GPC5: variants seen among roughly 807,000 people sequenced by gnomAD.
GPC5 encodes glypican 5.
A neutral mutation model predicts 53.9 loss-of-function variants in GPC5; 47 were observed. That is an observed-to-expected ratio of 0.87 (90% confidence interval 0.69 to 1.11). The LOEUF is 1.11. Ranked by LOEUF, GPC5 falls within the 50% of genes most tolerant of loss-of-function variation. The pLI is 0.00. For missense variants in GPC5, 748 were observed against 713.1 expected, an observed-to-expected ratio of 1.05 and a Z score of -0.56; for synonymous variants, 286 against 263.3, an observed-to-expected ratio of 1.09 and a Z score of -0.84.
chr13:92,166,958 A>ATCTCTCT (rs1566465872), intron 7 of GPC5, among the ~76,000 whole-genome samples: 18 of 65,626 alleles, frequency 2.7e-4, no homozygotes, highest in African/African-American at 8.8e-4. Flanking sequence ...TCTCTCTCTC[A>ATCTCTCT]CACACACACA....
chr13:92,211,268 A>G (rs1422720209), intron 7 of GPC5, among the ~76,000 whole-genome samples: 1 of 152,208 alleles, frequency 6.6e-6, no homozygotes, highest in Non-Finnish European at 1.5e-5. Flanking sequence ...AAACAAGCAC[A>G]ATGGGTGTTT....
intron 2 of GPC5, among the ~76,000 whole-genome samples, chr13:91,471,339 T>C (rs940238692): frequency 1.3e-5 from 2 of 152,144 alleles, no homozygotes; most frequent in African/African-American, 4.8e-5. Context: ...GAATTTACTA[T>C]AATTTCAGCT....
At chr13:91,571,262 T>G (rs2031766738) in intron 2 of GPC5, among the ~76,000 whole-genome samples, 1 of 152,184 alleles carries the variant, frequency 6.6e-6, no homozygotes, top group Admixed American at 6.6e-5. Flanking sequence ...TTTCTGATTT[T>G]AACTCTTTGC....
At chr13:92,525,981 A>G (rs1486821485) in intron 7 of GPC5, among the ~76,000 whole-genome samples, 1 of 152,118 alleles carries the variant, frequency 6.6e-6, no homozygotes, top group Non-Finnish European at 1.5e-5. Flanking sequence ...TCTATAATAT[A>G]ATCTCCAACT....
chr13:91,472,687 G>A lies in GPC5; in HGVS notation c.325+23765G>A, dbSNP rs181108044. On this transcript the variant is annotated intron_variant, in intron 2 of 7. Coordinates refer to ENST00000377067, the MANE Select transcript of GPC5 (RefSeq NM_004466.6). ...TAAATATGTTTGTATTATTAAATCAGCATCTGAAAATATTATTGAAAATGC... is the reference window on the plus strand; with the variant it reads ...TAAATATGTTTGTATTATTAAATCAACATCTGAAAATATTATTGAAAATGC... Among the ~76,000 whole-genome samples, 142 of 152,234 alleles carry A rather than the reference G, an allele frequency of 9.3e-4. 1 individual carries two copies. Among genetic ancestry groups the A allele is most frequent in the African/African-American group, 3.4e-3 (140 of 41,556 alleles).
At chr13:91,756,461 C>A in intron 5 of GPC5, 41 bp downstream of exon 5, 1 of 1,495,486 alleles carries the variant, frequency 6.7e-7, no homozygotes, top group Middle Eastern at 1.8e-4. Flanking sequence ...GTTACATCAT[C>A]CTTGCTTTCT....
chr13:92,237,045 CA>C (rs2042575758), intron 7 of GPC5, among the ~76,000 whole-genome samples: 1 of 152,048 alleles, frequency 6.6e-6, no homozygotes, highest in African/African-American at 2.4e-5. Context: ...TTAATGAAAA[CA>C]CCCCACAACT....
At chr13:92,131,478 G>T (rs1342628016) in intron 6 of GPC5, among the ~76,000 whole-genome samples, 1 of 151,890 alleles carries the variant, frequency 6.6e-6, no homozygotes, top group Non-Finnish European at 1.5e-5. Context: ...TTATAAAATG[G>T]AATACCCCTA....
chr13:92,409,588 G>A (rs1167189817), intron 7 of GPC5, among the ~76,000 whole-genome samples: 3 of 152,064 alleles, frequency 2.0e-5, no homozygotes, highest in Non-Finnish European at 4.4e-5. Flanking sequence ...AGCAGAAGCT[G>A]TATAAGTAAA....
Position 91,541,219 on chromosome 13 carries a change from C to T in GPC5, c.325+92297C>T, listed in dbSNP as rs988473560. Among the ~76,000 whole-genome samples, 10 of 152,096 alleles carry T rather than the reference C, an allele frequency of 6.6e-5. No individual in the cohort carries two copies. In the South Asian group the frequency reaches 1.9e-3, roughly 28 times the overall value. ...ACATTTAAATATTTTAATATTTTTGCTACATATTTTTTGTTCTTAAAGTCT... is the reference window on the plus strand; with the variant it reads ...ACATTTAAATATTTTAATATTTTTGTTACATATTTTTTGTTCTTAAAGTCT... On this transcript the variant is annotated intron_variant, in intron 2 of 7. Transcript: ENST00000377067.
At chr13:92,806,527 T>C (rs1877106807) in intron 7 of GPC5, among the ~76,000 whole-genome samples, 1 of 152,112 alleles carries the variant, frequency 6.6e-6, no homozygotes, top group Non-Finnish European at 1.5e-5. Context: ...CAACTTGCCT[T>C]CCTCACTAAG....
chr13:91,534,882 A>G (rs568304067), intron 2 of GPC5, among the ~76,000 whole-genome samples: 1 of 152,266 alleles, frequency 6.6e-6, no homozygotes, highest in East Asian at 1.9e-4. Context: ...CGACAGCCAT[A>G]TTCTGATCCC....
intron 7 of GPC5, among the ~76,000 whole-genome samples, chr13:92,596,365 G>T (rs866369713): frequency 3.3e-5 from 5 of 152,058 alleles, no homozygotes; most frequent in Middle Eastern, 3.4e-3. Flanking sequence ...CATATAATAT[G>T]CCCCAACTAA....
intron 6 of GPC5, among the ~76,000 whole-genome samples, chr13:91,946,736 C>T (rs778228279): frequency 3.3e-5 from 5 of 152,044 alleles, no homozygotes; most frequent in East Asian, 1.9e-4. Flanking sequence ...AAGTGCCTTT[C>T]GGGGTCCAAA....
At chr13:92,122,524 C>T (rs1180364880) in intron 6 of GPC5, among the ~76,000 whole-genome samples, 1 of 151,858 alleles carries the variant, frequency 6.6e-6, no homozygotes, top group Non-Finnish European at 1.5e-5. Context: ...TTAATTCCAA[C>T]CATCATATAT....
intron 7 of GPC5, among the ~76,000 whole-genome samples, chr13:92,180,495 T>C (rs180718440): frequency 2.7e-4 from 38 of 142,924 alleles, no homozygotes; most frequent in African/African-American, 9.3e-4. Context: ...ATTATGGTTA[T>C]GGGTGATTTT....
chr13:92,275,080 A>AT (rs148082957), intron 7 of GPC5, among the ~76,000 whole-genome samples: 12,994 of 152,142 alleles, frequency 0.085, 616 homozygotes, highest in Middle Eastern at 0.12. Flanking sequence ...CTTTATTCAT[A>AT]TTTTTTTCAC....
In GPC5 at chr13:92,191,353, C is replaced by T. The variant is rs116527749; in HGVS notation, c.1561+46364C>T. On this transcript the variant is annotated intron_variant, in intron 7 of 7. Transcript: ENST00000377067. ...ATCATTACTCATCTATAAAAATGGCCAAAATTCACAACACTGACACCACCA... is the reference window on the plus strand; with the variant it reads ...ATCATTACTCATCTATAAAAATGGCTAAAATTCACAACACTGACACCACCA... Among the ~76,000 whole-genome samples, 267 of 152,090 alleles carry T rather than the reference C, an allele frequency of 1.8e-3. 2 individuals carry two copies. The highest frequency in any genetic ancestry group is 6.2e-3 in the African/African-American group (258 of 41,518).
At chr13:92,644,348 T>G (rs1885695794) in intron 7 of GPC5, among the ~76,000 whole-genome samples, 1 of 152,166 alleles carries the variant, frequency 6.6e-6, no homozygotes, top group African/African-American at 2.4e-5. Context: ...CTAGCAAAAT[T>G]GGAAAACTCC....
Sources: gnomAD v4.1 joint callset for allele counts (sites outside exome capture counted in the v4.1 genomes callset) on GRCh38, gnomAD v4.1.1 for gene constraint, MANE v1.5 for transcripts, NCBI Gene and HGNC (gene_info 2026-07-23, HGNC 2026-07-21) for gene names.